The following CACNA2D2 variants were observed in gnomAD, a reference collection of about 807,000 sequenced individuals.
CACNA2D2 encodes voltage-dependent calcium channel subunit alpha-2/delta-2.
In CACNA2D2, 48 loss-of-function variants were observed where a neutral mutation model predicts 166.4. That is an observed-to-expected ratio of 0.29 (90% CI 0.23 to 0.37). The LOEUF (loss-of-function observed/expected upper bound fraction) is 0.37, where lower values mean the gene tolerates loss of function less well. Ranked by LOEUF, CACNA2D2 falls within the 10% of genes least tolerant of loss-of-function variation. The pLI is 1.00. For missense variants in CACNA2D2, 1,122 were observed against 1,433.0 expected (o/e 0.78, Z 3.50); for synonymous variants, 561 against 573.7 (o/e 0.98, Z 0.32).
chr3:50,419,517 GA>G (rs1406131129), intron 3 of CACNA2D2, among the ~76,000 whole-genome samples: 2 of 152,186 alleles, frequency 1.3e-5, no homozygotes. Flanking sequence ...CTCACTTGAT[GA>G]ATAACCCTGT....
Position 50,375,571 on chromosome 3 carries a change from G to A in CACNA2D2, c.1907+73C>T, listed in dbSNP as rs1198784138. ...CTGGGATGGTGGTCACAGTGGGAGA[G>A]GGAGGGGACAGCTGGGCTCAGATTC... On this transcript the variant is annotated intron_variant, in intron 21 of 37. Coordinates refer to ENST00000424201, the MANE Select transcript of CACNA2D2 (RefSeq NM_006030.4). The surrounding 1 kb of genome is among the most constrained non-coding windows in gnomAD (Gnocchi z 4.0). 2 of 1,515,654 alleles carry A rather than the reference G, an allele frequency of 1.3e-6. No homozygotes were observed. The highest frequency in any genetic ancestry group is 1.1e-5 in the South Asian group (1 of 87,350). 93.9% of individuals were successfully genotyped at this position (1,515,654 alleles called of 1,614,324 possible). A position where few individuals can be genotyped will look rare whatever the true frequency, so the allele number is the denominator to read the frequency against.
intron 13 of CACNA2D2, 148 bp downstream of exon 13, chr3:50,378,767 G>T: frequency 1.1e-6 from 1 of 921,702 alleles, no homozygotes; most frequent in Non-Finnish European, 1.7e-6. Flanking sequence ...CCCAGATAGA[G>T]TGAGGGACAG....
intron 3 of CACNA2D2, among the ~76,000 whole-genome samples, chr3:50,410,483 G>GGGT (rs901219703): frequency 6.8e-6 from 1 of 147,494 alleles, no homozygotes; most frequent in Non-Finnish European, 1.5e-5. Flanking sequence ...CCTGGGATGG[G>GGGT]GGGGGGGGTG....
chr3:50,482,055 T>C (rs1698077315), intron 1 of CACNA2D2, among the ~76,000 whole-genome samples: 1 of 152,326 alleles, frequency 6.6e-6, no homozygotes, highest in African/African-American at 2.4e-5. Context: ...TTATTTCCAC[T>C]GGCCTGTTAC....
At chr3:50,496,517 G>C (rs1698731581) in intron 1 of CACNA2D2, among the ~76,000 whole-genome samples, 1 of 152,256 alleles carries the variant, frequency 6.6e-6, no homozygotes, top group African/African-American at 2.4e-5. Flanking sequence ...TGGGTCCCAA[G>C]TGCCTGTAGG....
chr3:50,491,436 T>C (rs1698516573), intron 1 of CACNA2D2, among the ~76,000 whole-genome samples: 1 of 152,164 alleles, frequency 6.6e-6, no homozygotes. Flanking sequence ...CTAGGGCTTC[T>C]GTGGCCTGCG....
Position 50,376,170 on chromosome 3 carries a change from C to G in CACNA2D2, c.1645G>C (p.Val549Leu), listed in dbSNP as rs138752083. The G allele has an allele frequency of 1.5e-5, 25 of 1,613,394 alleles. No homozygotes were observed. Among genetic ancestry groups the G allele is most frequent in the Non-Finnish European group, 1.9e-5 (23 of 1,179,994 alleles). Residue 549 changes from valine to leucine, a missense_variant, in exon 18 of 38, where the codon GTG becomes CTG. Val to Leu is a conservative substitution (Grantham distance 32, BLOSUM62 1). This residue lies in a region of CACNA2D2 where 840 missense variants were observed against 1,166.8 expected (regional missense o/e 0.72). Coordinates refer to ENST00000424201, the MANE Select transcript of CACNA2D2 (RefSeq NM_006030.4). This position sits in a 1 kb window ranked among gnomAD's most constrained non-coding sequence, Gnocchi z 4.3. The part of the protein sequence containing the change: ...PNYTLGANGY[V>L]FAIDLNGYVL... ...TAGCCGTTCAGGTCAATGGCAAACA[C>G]ATAGCCGTTGGCTCCAAGCTGGAGG...
rs11315902 is a variant in CACNA2D2 at position 50,460,474 on chromosome 3, G to GT, written c.288+15643dup. On this transcript the variant is annotated intron_variant, in intron 2 of 37. Coordinates refer to ENST00000424201, the MANE Select transcript of CACNA2D2 (RefSeq NM_006030.4). ...ATCCAAAATTATTTCAAAATAAAAA[G>GT]TTTTTTTTTTAATCTATAAAGCTAT... Among the ~76,000 whole-genome samples, 48 of 150,040 alleles carry GT rather than the reference G, an allele frequency of 3.2e-4. No individual in the cohort carries two copies. The South Asian group carries it at 8.0e-3, about 25-fold the overall frequency.
chr3:50,436,281 C>CTGGGATGAAGTTCA (rs1708315574), intron 2 of CACNA2D2, among the ~76,000 whole-genome samples: 1 of 152,196 alleles, frequency 6.6e-6, no homozygotes, highest in East Asian at 1.9e-4. Flanking sequence ...TTCTCCTGGC[C>CTGGGATGAAGTTCA]TGGGATGAAG....
chr3:50,378,826 G>T, intron 13 of CACNA2D2, 89 bp downstream of exon 13: 1 of 1,478,030 alleles, frequency 6.8e-7, no homozygotes, highest in Non-Finnish European at 9.4e-7. Context: ...TGAACACACA[G>T]CTGGACATAT....
Position 50,375,661 on chromosome 3 carries a change from T to C in CACNA2D2, c.1890A>G (p.Ile630Met), listed in dbSNP as rs1022878150. 9 of 1,613,108 alleles carry C rather than the reference T, an allele frequency of 5.6e-6. No homozygotes were observed. The Admixed American group carries it at 1.3e-4, about 24-fold the overall frequency. Residue 630 changes from isoleucine (I) to methionine (M), a missense_variant, in exon 21 of 38, where the codon ATA (isoleucine) becomes ATG (methionine). Ile to Met is a conservative substitution (Grantham distance 10, BLOSUM62 1). Around this residue, in one of 2 missense-constraint regions of CACNA2D2, gnomAD observed 840 missense variants for 1,166.8 expected, o/e 0.72. Coordinates refer to ENST00000424201, the MANE Select transcript of CACNA2D2 (RefSeq NM_006030.4). This position sits in a 1 kb window ranked among gnomAD's most constrained non-coding sequence, Gnocchi z 4.0. The part of the protein sequence containing the change: ...EVTRNYTWVP[I>M]RSTNYSLGLV... The stretch of plus-strand genomic sequence containing the variant: ...TCACTTACCTGTAGTTAGTGCTCCT[T>C]ATAGGCACCCAGGTGTAGTTCCGTG...
At chr3:50,415,302 T>C (rs1032358524) in intron 3 of CACNA2D2, among the ~76,000 whole-genome samples, 14 of 152,236 alleles carry the variant, frequency 9.2e-5, no homozygotes, top group African/African-American at 3.4e-4. Flanking sequence ...CAGAGAGAGC[T>C]GAGCCCCGTG....
At chr3:50,429,752 A>C (rs903145796) in intron 3 of CACNA2D2, among the ~76,000 whole-genome samples, 2 of 151,712 alleles carry the variant, frequency 1.3e-5, no homozygotes, top group Non-Finnish European at 2.9e-5. Context: ...GCTGGGCGAC[A>C]GAGTGAGACT....
At position 50,476,182 on chromosome 3, in the gene CACNA2D2, C is replaced by T. The variant is rs41291734; in HGVS notation, c.224G>A (p.Arg75Gln). ...GCCGTCGACCTCCTGCTCCAGACGC[C>T]GGGCCCAGTGCTGCATCCTGTATGC... ...PQQHTMQHWA[R>Q]RLEQEVDGVM... Residue 75 changes from arginine (R) to glutamine (Q), a missense_variant, in exon 2 of 38, where the codon CGG becomes CAG. Physicochemically the swap from Arg to Gln is conservative, Grantham distance 43. This residue lies in a region of CACNA2D2 where 840 missense variants were observed against 1,166.8 expected (regional missense o/e 0.72). Coordinates refer to ENST00000424201, the MANE Select transcript of CACNA2D2 (RefSeq NM_006030.4). 43,692 of 1,594,440 alleles carry T rather than the reference C, an allele frequency of 0.027. 781 individuals are homozygous for T. Among genetic ancestry groups the T allele is most frequent in the Non-Finnish European group, 0.033 (39,237 of 1,171,300 alleles).
At chr3:50,423,912 T>A (rs1312812056) in intron 3 of CACNA2D2, among the ~76,000 whole-genome samples, 1 of 152,198 alleles carries the variant, frequency 6.6e-6, no homozygotes, top group African/African-American at 2.4e-5. Flanking sequence ...CAGCCCAGGA[T>A]TGTTCTACAC....
intron 15 of CACNA2D2, 49 bp from the exon 16 acceptor site, chr3:50,377,852 C>T: frequency 6.4e-7 from 1 of 1,551,694 alleles, no homozygotes; most frequent in Non-Finnish European, 8.8e-7. Context: ...GCACTGACCC[C>T]ACCCTGAGTG....
chr3:50,403,602 C>A (rs1706551881), intron 3 of CACNA2D2, among the ~76,000 whole-genome samples: 1 of 152,198 alleles, frequency 6.6e-6, no homozygotes, highest in Admixed American at 6.5e-5. Flanking sequence ...CCAGCCCCCA[C>A]ACCTTCAGGT....
intron 2 of CACNA2D2, among the ~76,000 whole-genome samples, chr3:50,447,640 G>C (rs191916052): frequency 6.6e-6 from 1 of 152,134 alleles, no homozygotes. Flanking sequence ...CCTGCAGGGC[G>C]TGACTGGGGC....
Position 50,380,145 on chromosome 3 carries a change from A to G in CACNA2D2, c.843-127T>C. ...CACTGTGTGGGCCAGGCAGGGTTCT[A>G]TGCACCGATGATACCACATTTAACG... On this transcript the variant is annotated intron_variant, in intron 8 of 37. Coordinates refer to ENST00000424201, the MANE Select transcript of CACNA2D2 (RefSeq NM_006030.4). This position sits in a 1 kb window ranked among gnomAD's most constrained non-coding sequence, Gnocchi z 4.9. 1.2e-6 allele frequency: 1 copy of G among 862,274 alleles called. No individual in the cohort carries two copies. The highest frequency in any genetic ancestry group is 2.7e-4 in the Middle Eastern group (1 of 3,638). 53.4% of individuals were successfully genotyped at this position (862,274 alleles called of 1,614,324 possible).
Sources: allele counts gnomAD v4.1 joint callset (sites outside exome capture counted in the v4.1 genomes callset), GRCh38; gene constraint gnomAD v4.1.1; regional missense constraint gnomAD v4.1.1; non-coding constraint Gnocchi (gnomAD v3.1); transcripts MANE v1.5; gene names NCBI Gene and HGNC (gene_info 2026-07-23, HGNC 2026-07-21).